The following STK32B variants were observed in gnomAD, a reference collection of about 807,000 sequenced individuals.
STK32B encodes the protein serine/threonine kinase 32B, also known as serine/threonine-protein kinase 32B.
Under a neutral mutation model 52.6 loss-of-function variants are expected in STK32B, and 43 were observed. The ratio of observed to expected loss-of-function variants is 0.82; its 90% CI spans 0.64 to 1.05. STK32B has a LOEUF of 1.05. STK32B is among the 50% of genes least tolerant of loss of function. STK32B has a pLI of 0.00. For synonymous variants in STK32B, 238 were observed against 204.3 expected (o/e 1.17, Z -1.41); for missense variants, 621 against 534.6 (o/e 1.16, Z -1.59).
chr4:5,242,148 C>G (rs1725078099), intron 3 of STK32B, among the ~76,000 whole-genome samples: 1 of 152,130 alleles, frequency 6.6e-6, no homozygotes, highest in Non-Finnish European at 1.5e-5. Context: ...TGAGGAATTG[C>G]CATACTGACA....
At chr4:5,178,959 G>T (rs1720138780) in intron 3 of STK32B, among the ~76,000 whole-genome samples, 1 of 152,158 alleles carries the variant, frequency 6.6e-6, no homozygotes, top group Admixed American at 6.5e-5. Context: ...CCACATTTTT[G>T]GGTGTCCCTA....
chr4:5,147,215 T>A (rs181849591), intron 2 of STK32B, among the ~76,000 whole-genome samples: 41 of 152,208 alleles, frequency 2.7e-4, no homozygotes, highest in Non-Finnish European at 3.2e-4. Flanking sequence ...TGTAATGAAA[T>A]TGTTTTTAAT....
At chr4:5,186,308 A>G (rs975716347) in intron 3 of STK32B, among the ~76,000 whole-genome samples, 9 of 152,150 alleles carry the variant, frequency 5.9e-5, no homozygotes, top group African/African-American at 2.2e-4. Context: ...CTCCGTGAGC[A>G]GTGGGCCGCT....
At chr4:5,316,234 ATAT>A (rs1403388309) in intron 3 of STK32B, among the ~76,000 whole-genome samples, 2 of 68,624 alleles carry the variant, frequency 2.9e-5, no homozygotes, top group Non-Finnish European at 4.4e-5. Flanking sequence ...TATATATACA[ATAT>A]TATATATTGT....
intron 4 of STK32B, among the ~76,000 whole-genome samples, chr4:5,332,449 A>G (rs1482887010): frequency 2.6e-5 from 4 of 152,200 alleles, no homozygotes; most frequent in African/African-American, 7.2e-5. Flanking sequence ...AAAAGAGGCT[A>G]TAATAAGGCG....
intron 11 of STK32B, among the ~76,000 whole-genome samples, chr4:5,481,434 GT>G (rs1364532554): frequency 2.0e-5 from 3 of 151,670 alleles, no homozygotes; most frequent in Non-Finnish European, 1.5e-5. Flanking sequence ...AGGGTTGTTT[GT>G]TTTTTTTCTT....
At chr4:5,046,456 G>T in the STK32B span, among the ~76,000 whole-genome samples, 2 of 152,128 alleles carry the variant, frequency 1.3e-5, no homozygotes, top group Non-Finnish European at 2.9e-5. Context: ...ATAAGCATGG[G>T]CAAAGATTTC....
At chr4:5,194,763 G>A (rs981569038) in intron 3 of STK32B, among the ~76,000 whole-genome samples, 3 of 152,166 alleles carry the variant, frequency 2.0e-5, no homozygotes, top group Non-Finnish European at 4.4e-5. Context: ...TTCTGAGGAG[G>A]CCTCAGGAAA....
At chr4:5,134,508 C>T (rs967112083) in intron 1 of STK32B, among the ~76,000 whole-genome samples, 2 of 152,126 alleles carry the variant, frequency 1.3e-5, no homozygotes, top group Admixed American at 6.6e-5. Flanking sequence ...GCCTCCAGAA[C>T]TGTGAAAAAA....
chr4:5,433,871 G>A (rs1713804545), intron 6 of STK32B, among the ~76,000 whole-genome samples: 1 of 152,166 alleles, frequency 6.6e-6, no homozygotes, highest in South Asian at 2.1e-4. Context: ...TAGTGAGGGG[G>A]CAAATCCCAC....
At chr4:5,079,712 A>G (rs897080393) in intron 1 of STK32B, among the ~76,000 whole-genome samples, 2 of 152,166 alleles carry the variant, frequency 1.3e-5, no homozygotes, top group Non-Finnish European at 2.9e-5. Context: ...TCAGTCTACA[A>G]TGAATCCCTC....
chr4:5,045,873 C>T, the STK32B span, among the ~76,000 whole-genome samples: 2 of 152,190 alleles, frequency 1.3e-5, no homozygotes, highest in Non-Finnish European at 2.9e-5. Flanking sequence ...TTGACTTCCT[C>T]TCTTCCTATT....
In STK32B at chr4:5,490,742, G is replaced by A. The variant is rs527911138; in HGVS notation, c.1107-8203G>A. 2.9e-3 allele frequency among the ~76,000 whole-genome samples: 439 copies of A among 152,024 alleles called. 1 individual carries two copies. Among genetic ancestry groups the A allele is most frequent in the African/African-American group, 0.01 (418 of 41,488 alleles). Reference sequence around the variant, plus strand: ...CTCCCCAACTCTCCACCCCACAACAGTCTCCAGAGTGTGATGTTCCCCTTC... The same window carrying A: ...CTCCCCAACTCTCCACCCCACAACAATCTCCAGAGTGTGATGTTCCCCTTC... On this transcript the variant is annotated intron_variant, in intron 11 of 11. Transcript: ENST00000282908.
intron 5 of STK32B, among the ~76,000 whole-genome samples, chr4:5,415,655 A>G (rs1712101948): frequency 6.6e-6 from 1 of 152,216 alleles, no homozygotes; most frequent in Non-Finnish European, 1.5e-5. Context: ...ATGGATCCTC[A>G]CTGAATAAAT....
intron 11 of STK32B, among the ~76,000 whole-genome samples, chr4:5,474,106 T>C (rs1286005266): frequency 6.6e-6 from 1 of 151,842 alleles, no homozygotes; most frequent in South Asian, 2.1e-4. Context: ...AGAGCGAGAC[T>C]CTGTCTCAAA....
chr4:5,435,269 T>C (rs1194878701), intron 6 of STK32B, among the ~76,000 whole-genome samples: 1 of 152,204 alleles, frequency 6.6e-6, no homozygotes, highest in Non-Finnish European at 1.5e-5. Flanking sequence ...TAAGCAGGTG[T>C]AACTGGTCTT....
At chr4:5,230,718 T>A (rs1042671404) in intron 3 of STK32B, among the ~76,000 whole-genome samples, 1 of 152,188 alleles carries the variant, frequency 6.6e-6, no homozygotes, top group Non-Finnish European at 1.5e-5. Context: ...AGCGCCTGTG[T>A]GCATGTACAT....
At chr4:5,342,015 G>A (rs1331068409) in intron 4 of STK32B, among the ~76,000 whole-genome samples, 1 of 152,018 alleles carries the variant, frequency 6.6e-6, no homozygotes, top group South Asian at 2.1e-4. Flanking sequence ...TCCATGACAG[G>A]CCCCAGTGTG....
chr4:5,076,621 A>G (rs1427919995), intron 1 of STK32B, among the ~76,000 whole-genome samples: 1 of 152,202 alleles, frequency 6.6e-6, no homozygotes, highest in Admixed American at 6.5e-5. Context: ...AGGCTGATCT[A>G]TACCAATATA....
Sources: allele counts gnomAD v4.1 joint callset (sites outside exome capture counted in the v4.1 genomes callset), GRCh38; gene constraint gnomAD v4.1.1; transcripts MANE v1.5; gene names NCBI Gene and HGNC (gene_info 2026-07-23, HGNC 2026-07-21).